The following PCDHA2 variants were observed in gnomAD, a reference collection of about 807,000 sequenced individuals.
The protein encoded by PCDHA2 is protocadherin alpha 2, also known as protocadherin alpha-2.
Under a neutral mutation model 66.0 loss-of-function variants are expected in PCDHA2, and 58 were observed. That is an observed-to-expected ratio of 0.88 (90% CI 0.71 to 1.09). PCDHA2 has a LOEUF of 1.09. Ranked by LOEUF, PCDHA2 falls within the 50% of genes least tolerant of loss-of-function variation. The pLI is 0.00. For missense variants in PCDHA2, 1,267 were observed against 1,242.3 expected (o/e 1.02, Z -0.30); for synonymous variants, 634 against 554.0 (o/e 1.14, Z -2.03).
At chr5:140,862,614 C>A (rs939104961) in intron 1 of PCDHA2, 11 of 523,250 alleles carry the variant, frequency 2.1e-5, no homozygotes, top group Non-Finnish European at 3.9e-5. Flanking sequence ...TGAAAGGTAA[C>A]AACCCGCGGG....
intron 1 of PCDHA2, chr5:140,871,575 A>C (rs974047385): frequency 1.4e-6 from 2 of 1,477,482 alleles, no homozygotes; most frequent in Non-Finnish European, 1.8e-6. Flanking sequence ...GGATTTTTTA[A>C]GGGAAAGTTT....
At chr5:140,888,277 C>G (rs923275306) in intron 1 of PCDHA2, among the ~76,000 whole-genome samples, 1 of 151,972 alleles carries the variant, frequency 6.6e-6, no homozygotes, top group Non-Finnish European at 1.5e-5. Context: ...ACAGTTTTGT[C>G]CCCTCTACCC....
intron 1 of PCDHA2, chr5:140,803,882 G>A: frequency 1.8e-6 from 1 of 546,210 alleles, no homozygotes; most frequent in East Asian, 3.1e-5. Context: ...TTTTTTCTTA[G>A]ATGAATTGCA....
intron 1 of PCDHA2, chr5:140,836,227 C>G: frequency 6.2e-7 from 1 of 1,613,736 alleles, no homozygotes; most frequent in African/African-American, 1.3e-5. Context: ...CAACCGGTGG[C>G]GGCCGGTGCG....
chr5:140,795,276 C>A lies in PCDHA2; in HGVS notation c.312C>A (p.Ile104=). ...ELCGRSAECS[I]HVEVIVDRPL... ...GCGGGCGGAGCGCGGAATGTAGCAT[C>A]CACGTGGAGGTGATCGTGGACAGGC... The change falls in exon 1 of 4, where the codon ATC becomes ATA. Residue 104 remains isoleucine, a synonymous_variant. Transcript: ENST00000526136. The A allele has an allele frequency of 6.2e-7, 1 of 1,614,256 alleles. No individual in the cohort carries two copies.
chr5:140,862,475 C>T (rs1252932396), intron 1 of PCDHA2: 2 of 377,970 alleles, frequency 5.3e-6, no homozygotes, highest in African/African-American at 4.2e-5. Flanking sequence ...GCAAATCTAT[C>T]CATTGTTGGT....
At chr5:140,946,801 G>C (rs2094030166) in intron 1 of PCDHA2, among the ~76,000 whole-genome samples, 1 of 151,430 alleles carries the variant, frequency 6.6e-6, no homozygotes, top group African/African-American at 2.4e-5. Flanking sequence ...TAGAAGCAGA[G>C]AGTATAACAG....
chr5:140,794,887 G>A lies in PCDHA2; in HGVS notation c.-78G>A. ...AGCGGAGGAATAAGAGAAGCAGCAGGACTTTAACAGAGACTAGAATATTTA... is the reference window on the plus strand; with the variant it reads ...AGCGGAGGAATAAGAGAAGCAGCAGAACTTTAACAGAGACTAGAATATTTA... On this transcript the variant is annotated 5_prime_UTR_variant, in exon 1 of 4. Transcript: ENST00000526136. The A allele has an allele frequency of 1.4e-6, 2 of 1,428,324 alleles. No individual in the cohort carries two copies. The highest frequency in any genetic ancestry group is 1.9e-6 in the Non-Finnish European group (2 of 1,052,352). The allele number at this position is 1,428,324 out of a possible 1,614,324, so 88.5% of individuals were successfully genotyped here. A position where few individuals can be genotyped will look rare whatever the true frequency, so the allele number is the denominator to read the frequency against.
intron 1 of PCDHA2, chr5:140,828,066 T>G (rs1334678252): frequency 1.9e-6 from 3 of 1,559,958 alleles, no homozygotes; most frequent in Non-Finnish European, 2.6e-6. Context: ...GATCTTCTAA[T>G]GGAAATAAAA....
chr5:140,904,139 A>G lies in PCDHA2; in HGVS notation c.2389-74810A>G, dbSNP rs557435150. On this transcript the variant is annotated intron_variant, in intron 1 of 3. Coordinates refer to ENST00000526136, the MANE Select transcript of PCDHA2 (RefSeq NM_018905.3). ...ATTTTGGTGCACCCATCACCCGAGCAGTATACATTGCACCCAGTTTGTAGT... is the reference window on the plus strand; with the variant it reads ...ATTTTGGTGCACCCATCACCCGAGCGGTATACATTGCACCCAGTTTGTAGT... Among the ~76,000 whole-genome samples, 4 of 152,286 alleles carry G rather than the reference A, an allele frequency of 2.6e-5. No homozygotes were observed. The East Asian group carries it at 7.7e-4, about 29-fold the overall frequency.
chr5:140,862,466 CA>C, intron 1 of PCDHA2: 1 of 371,398 alleles, frequency 2.7e-6, no homozygotes. Context: ...ACCAAGAGAG[CA>C]AATCTATCCA....
rs539789047 is a variant in PCDHA2 at position 140,796,294 on chromosome 5, G to C, written c.1330G>C (p.Glu444Gln). Reference protein sequence around the residue: ...SLWATTSVSIEVADVNDNAPA... With the variant: ...SLWATTSVSIQVADVNDNAPA... ...GTGGGCCACCACCAGCGTGTCCATCGAGGTGGCCGACGTGAACGACAACGC... is the reference window on the plus strand; with the variant it reads ...GTGGGCCACCACCAGCGTGTCCATCCAGGTGGCCGACGTGAACGACAACGC... Residue 444 changes from glutamate (E) to glutamine (Q), a missense_variant, in exon 1 of 4, where the codon GAG becomes CAG. By Grantham distance (29) the Glu-to-Gln change is conservative (BLOSUM62 2). Coordinates refer to ENST00000526136, the MANE Select transcript of PCDHA2 (RefSeq NM_018905.3). 25 of 1,614,094 alleles carry C rather than the reference G, an allele frequency of 1.5e-5. No individual in the cohort carries two copies. The East Asian group carries it at 4.0e-4, about 26-fold the overall frequency.
chr5:140,803,278 T>G, intron 1 of PCDHA2: 1 of 1,614,030 alleles, frequency 6.2e-7, no homozygotes, highest in Non-Finnish European at 8.5e-7. Flanking sequence ...GCTGCACTGG[T>G]GGATGTCAAC....
chr5:140,869,451 T>C, intron 1 of PCDHA2: 1 of 1,614,146 alleles, frequency 6.2e-7, no homozygotes, highest in Non-Finnish European at 8.5e-7. Context: ...CGCTGCAGGT[T>C]TTCCATGTGA....
At chr5:140,926,564 A>T in intron 1 of PCDHA2, 1 of 243,746 alleles carries the variant, frequency 4.1e-6, no homozygotes, top group Non-Finnish European at 7.8e-6. Flanking sequence ...GCCCGCTGCT[A>T]CTGGAGACAG....
At chr5:140,844,714 T>C (rs1779510682) in intron 1 of PCDHA2, among the ~76,000 whole-genome samples, 1 of 149,562 alleles carries the variant, frequency 6.7e-6, no homozygotes, top group Admixed American at 6.7e-5. Context: ...TCATGGCCCA[T>C]TAGTTCGTGT....
intron 1 of PCDHA2, among the ~76,000 whole-genome samples, chr5:140,898,262 C>G (rs2066619852): frequency 6.6e-6 from 1 of 152,130 alleles, no homozygotes; most frequent in Admixed American, 6.5e-5. Context: ...GAAGTCCTTG[C>G]CCATGCCTAA....
intron 1 of PCDHA2, chr5:140,967,162 C>T (rs782524334): frequency 1.9e-6 from 3 of 1,610,776 alleles, no homozygotes; most frequent in Non-Finnish European, 2.5e-6. Context: ...TGGCGGTGAG[C>T]GCCGTTGAGG....
At chr5:140,857,691 T>C (rs189067845) in intron 1 of PCDHA2, 2 of 1,597,004 alleles carry the variant, frequency 1.3e-6, no homozygotes, top group Non-Finnish European at 1.7e-6. Context: ...GGCAGCAACT[T>C]GACGCTGCAG....
Sources: allele counts gnomAD v4.1 joint callset (sites outside exome capture counted in the v4.1 genomes callset), GRCh38; gene constraint gnomAD v4.1.1; transcripts MANE v1.5; gene names NCBI Gene and HGNC (gene_info 2026-07-23, HGNC 2026-07-21).